OSBPL10: variants seen among roughly 807,000 people sequenced by gnomAD.
The protein encoded by OSBPL10 is oxysterol binding protein like 10.
In OSBPL10, 49 loss-of-function variants were observed where a neutral mutation model predicts 81.7. That is an observed-to-expected ratio of 0.60 (90% confidence interval 0.48 to 0.76). OSBPL10 has a LOEUF of 0.76. Among genes scored for constraint, OSBPL10 ranks in the 30% least tolerant of loss-of-function variants. The pLI is 0.00. For synonymous variants in OSBPL10, 419 were observed against 383.6 expected (o/e 1.09, Z -1.08); for missense variants, 923 against 987.8 (o/e 0.93, Z 0.88).
At chr3:32,049,385 A>C (rs571170569) in intron 1 of OSBPL10, among the ~76,000 whole-genome samples, 2 of 152,190 alleles carry the variant, frequency 1.3e-5, no homozygotes, top group East Asian at 3.9e-4. Context: ...TTGCAGCACC[A>C]ATTGGCCAAC....
At chr3:31,866,352 A>G (rs61092175) in intron 3 of OSBPL10, among the ~76,000 whole-genome samples, 42,661 of 151,972 alleles carry the variant, frequency 0.28, 6,220 homozygotes, top group Non-Finnish European at 0.34. Context: ...GGCGAGGTCT[A>G]TCAGTTGGTC....
At chr3:31,901,869 C>T (rs1468843924) in intron 1 of OSBPL10, among the ~76,000 whole-genome samples, 2 of 152,086 alleles carry the variant, frequency 1.3e-5, no homozygotes, top group African/African-American at 4.8e-5. Context: ...AAAACCCCAT[C>T]TCTAGTAAAA....
At chr3:31,791,826 T>A (rs1338290120) in intron 4 of OSBPL10, among the ~76,000 whole-genome samples, 7 of 150,120 alleles carry the variant, frequency 4.7e-5, no homozygotes, top group African/African-American at 1.5e-4. Context: ...AAATTGGGTT[T>A]CAAAGACTAC....
At chr3:31,971,132 C>T (rs148503180) in intron 1 of OSBPL10, among the ~76,000 whole-genome samples, 43 of 121,450 alleles carry the variant, frequency 3.5e-4, no homozygotes, top group Non-Finnish European at 3.6e-4. Flanking sequence ...GTTTTTTTTT[C>T]TTTTTTCTTT....
intron 2 of OSBPL10, among the ~76,000 whole-genome samples, chr3:32,011,467 TA>T (rs1376967982): frequency 6.6e-6 from 1 of 151,870 alleles, no homozygotes; most frequent in Non-Finnish European, 1.5e-5. Context: ...AGACCAAAAG[TA>T]GATAAAACCA....
chr3:31,878,904 A>T (rs543271122), intron 2 of OSBPL10, among the ~76,000 whole-genome samples: 1 of 151,986 alleles, frequency 6.6e-6, no homozygotes, highest in East Asian at 1.9e-4. Context: ...TTATTAGAAG[A>T]AAAGTGGCAG....
chr3:32,004,741 C>T (rs1007613254), intron 2 of OSBPL10, among the ~76,000 whole-genome samples: 53 of 152,140 alleles, frequency 3.5e-4, no homozygotes, highest in African/African-American at 1.2e-3. Flanking sequence ...CCTTGCAGAG[C>T]GACAGACACA....
chr3:31,833,719 A>G (rs905556646), intron 3 of OSBPL10, among the ~76,000 whole-genome samples: 1 of 151,554 alleles, frequency 6.6e-6, no homozygotes, highest in African/African-American at 2.4e-5. Context: ...ACACACACAC[A>G]CACACACACA....
chr3:32,056,687 G>A (rs929007557), intron 1 of OSBPL10, among the ~76,000 whole-genome samples: 2 of 152,204 alleles, frequency 1.3e-5, no homozygotes, highest in African/African-American at 4.8e-5. Context: ...AGAAATTACA[G>A]AAGATGGACC....
intron 6 of OSBPL10, among the ~76,000 whole-genome samples, chr3:31,731,447 G>C (rs1165979958): frequency 2.7e-5 from 4 of 150,818 alleles, no homozygotes; most frequent in Non-Finnish European, 5.9e-5. Context: ...TCTTCAGGAT[G>C]TATTTTTTTA....
intron 1 of OSBPL10, among the ~76,000 whole-genome samples, chr3:31,974,651 A>G (rs1237699844): frequency 6.6e-6 from 1 of 152,224 alleles, no homozygotes; most frequent in Non-Finnish European, 1.5e-5. Context: ...ATCACATATT[A>G]CACAATACAC....
chr3:31,669,195 C>T lies in OSBPL10; in HGVS notation c.1914-371G>A, dbSNP rs560255964. ...CAAATATGGGGCAGTACCTATAGCT[C>T]GGGTGATGGGTGCACCAAAATCTCA... On this transcript the variant is annotated intron_variant, in intron 9 of 11. Transcript: ENST00000396556. 7.4e-4 allele frequency among the ~76,000 whole-genome samples: 113 copies of T among 152,076 alleles called. 2 individuals carry two copies. Among genetic ancestry groups the T allele is most frequent in the Admixed American group, 3.9e-3 (59 of 15,280 alleles).
chr3:31,912,765 A>G (rs1039109657), intron 1 of OSBPL10, among the ~76,000 whole-genome samples: 1 of 152,192 alleles, frequency 6.6e-6, no homozygotes, highest in African/African-American at 2.4e-5. Context: ...TACACTACCC[A>G]GCAGCTCTGA....
intron 5 of OSBPL10, among the ~76,000 whole-genome samples, chr3:31,739,516 T>C (rs902734777): frequency 6.6e-5 from 10 of 152,222 alleles, no homozygotes; most frequent in African/African-American, 2.4e-4. Context: ...ATAAAAAATG[T>C]AGGGTCCTGA....
At chr3:31,792,377 C>G (rs1015148013) in intron 4 of OSBPL10, among the ~76,000 whole-genome samples, 3 of 152,068 alleles carry the variant, frequency 2.0e-5, no homozygotes, top group African/African-American at 7.2e-5. Flanking sequence ...AAAGCTTTTC[C>G]AAGTTTTCAA....
At chr3:31,731,108 T>A (rs1287690399) in intron 6 of OSBPL10, among the ~76,000 whole-genome samples, 2 of 152,166 alleles carry the variant, frequency 1.3e-5, no homozygotes, top group Non-Finnish European at 2.9e-5. Flanking sequence ...CTAGTTTTTT[T>A]AACTATTAAG....
Position 31,935,685 on chromosome 3 carries a change from G to A in OSBPL10, c.281+45214C>T, listed in dbSNP as rs541730919. 1.9e-3 allele frequency among the ~76,000 whole-genome samples: 289 copies of A among 151,894 alleles called. 1 individual carries two copies. Among genetic ancestry groups the A allele is most frequent in the African/African-American group, 6.7e-3 (278 of 41,418 alleles). ...ATTACAGGTGACCCCCACCACGCCC[G>A]GCTAATTTTTGTATTTTTAGTAGAG... On this transcript the variant is annotated intron_variant, in intron 1 of 11. Coordinates refer to ENST00000396556, the MANE Select transcript of OSBPL10 (RefSeq NM_017784.5).
At chr3:31,948,169 G>A (rs923878781) in intron 1 of OSBPL10, among the ~76,000 whole-genome samples, 5 of 152,264 alleles carry the variant, frequency 3.3e-5, no homozygotes, top group Admixed American at 2.6e-4. Flanking sequence ...TGGGTGCCCT[G>A]ACCCAGTAAA....
Position 31,981,231 on chromosome 3 carries a change from C to A in OSBPL10, c.-52G>T. On this transcript the variant is annotated 5_prime_UTR_variant, in exon 1 of 12. Transcript: ENST00000396556. This position sits in a 1 kb window ranked among gnomAD's most constrained non-coding sequence, Gnocchi z 4.5. ...GCCCGCCGCGGTGGCGGCCCCGGCA[C>A]GGCGGCTGCTGCTGCTGCTACAGCT... The A allele has an allele frequency of 7.5e-7, 1 of 1,340,622 alleles. No individual in the cohort carries two copies. Among genetic ancestry groups the A allele is most frequent in the Non-Finnish European group, 9.5e-7 (1 of 1,054,514 alleles). The allele number at this position is 1,340,622 out of a possible 1,614,324, so 83.0% of individuals were successfully genotyped here.
Sources: gnomAD v4.1 joint callset for allele counts (sites outside exome capture counted in the v4.1 genomes callset) on GRCh38, gnomAD v4.1.1 for gene constraint, Gnocchi (gnomAD v3.1) non-coding constraint, MANE v1.5 for transcripts, NCBI Gene and HGNC (gene_info 2026-07-23, HGNC 2026-07-21) for gene names.